Variants in NAV3 observed in about 807,000 individuals in gnomAD.
NAV3 encodes pore membrane and/or filament interacting like protein 1.
A neutral mutation model predicts 244.7 loss-of-function variants in NAV3; 87 were observed. The observed-to-expected ratio is 0.36, with a 90% confidence interval of 0.30 to 0.42. NAV3 has a LOEUF of 0.42. Among genes scored for constraint, NAV3 ranks in the 20% least tolerant of loss-of-function variants. NAV3 has a pLI of 1.00. For synonymous variants in NAV3, 1,126 were observed against 1,042.2 expected (o/e 1.08, Z -1.55); for missense variants, 2,663 against 2,893.3 (o/e 0.92, Z 1.83).
intron 2 of NAV3, among the ~76,000 whole-genome samples, chr12:77,664,385 C>A (rs896738936): frequency 6.6e-6 from 1 of 152,114 alleles, no homozygotes; most frequent in African/African-American, 2.4e-5. Flanking sequence ...GAAGAGTTGG[C>A]TAAATATTCA....
At chr12:78,137,100 G>A in intron 18 of NAV3, 77 bp from the exon 19 acceptor site, 1 of 1,344,872 alleles carries the variant, frequency 7.4e-7, no homozygotes, top group Non-Finnish European at 1.0e-6. Context: ...TTGGGATCAT[G>A]TTCTTACTTT....
At chr12:77,721,816 G>T (rs1262893121) in intron 2 of NAV3, among the ~76,000 whole-genome samples, 1 of 152,026 alleles carries the variant, frequency 6.6e-6, no homozygotes, top group East Asian at 1.9e-4. Flanking sequence ...TACGTAATTT[G>T]TGGGAGGTAA....
At position 77,684,576 on chromosome 12, in the gene NAV3, G is replaced by A. The variant is rs189371820; in HGVS notation, c.72+112310G>A. The stretch of plus-strand genomic sequence containing the variant: ...GGCCTCAAGAGATTCTCATGCCTCA[G>A]CCCCTCAAATTGCTAGGATTACAGG... On this transcript the variant is annotated intron_variant, in intron 2 of 8. Coordinates refer to the NAV3 transcript ENST00000550042. 5.9e-5 allele frequency among the ~76,000 whole-genome samples: 9 copies of A among 152,132 alleles called. No homozygotes were observed. The East Asian group carries it at 1.5e-3, about 26-fold the overall frequency.
chr12:77,615,650 C>T (rs936724490), intron 2 of NAV3, among the ~76,000 whole-genome samples: 1 of 152,086 alleles, frequency 6.6e-6, no homozygotes, highest in Non-Finnish European at 1.5e-5. Context: ...TTCCATTATT[C>T]GCTATTGTGA....
At chr12:78,193,149 AAG>A (rs1306966129) in intron 34 of NAV3, among the ~76,000 whole-genome samples, 1 of 152,208 alleles carries the variant, frequency 6.6e-6, no homozygotes, top group Non-Finnish European at 1.5e-5. Context: ...AGAAAAAAAG[AAG>A]AAACTCAAAC....
intron 13 of NAV3, among the ~76,000 whole-genome samples, chr12:78,117,363 AATAG>A (rs1053157907): frequency 4.2e-4 from 5 of 11,798 alleles, no homozygotes; most frequent in African/African-American, 1.1e-3. Flanking sequence ...TATAACATAT[AATAG>A]ATATATATTT....
At position 77,854,440 on chromosome 12, in the gene NAV3, G is replaced by C. The variant is rs934853351; in HGVS notation, c.243+22736G>C. Among the ~76,000 whole-genome samples, 4 of 152,282 alleles carry C rather than the reference G, an allele frequency of 2.6e-5. No homozygotes were observed. In the East Asian group the frequency reaches 7.7e-4, roughly 29 times the overall value. On this transcript the variant is annotated intron_variant, in intron 1 of 39. Transcript: ENST00000397909. ...CAACTTTTTCAGTTAATTTACGAAT[G>C]TACAAAACTTGCTGATCATTAGAAA... is the stretch of plus-strand genomic sequence containing the variant.
intron 13 of NAV3, 116 bp downstream of exon 13, chr12:78,117,020 G>C (rs894717339): frequency 8.4e-7 from 1 of 1,196,758 alleles, no homozygotes; most frequent in African/African-American, 1.5e-5. Context: ...ACAGAAACTG[G>C]AAAATGCAGA....
intron 2 of NAV3, among the ~76,000 whole-genome samples, chr12:77,679,716 C>A (rs1276427404): frequency 6.6e-6 from 1 of 152,096 alleles, no homozygotes; most frequent in Non-Finnish European, 1.5e-5. Context: ...AAACAGCAGC[C>A]TGAGAGGCGA....
intron 2 of NAV3, among the ~76,000 whole-genome samples, chr12:77,638,979 G>A (rs1363842291): frequency 1.3e-5 from 2 of 152,126 alleles, no homozygotes; most frequent in Non-Finnish European, 2.9e-5. Flanking sequence ...GCATGGTCAA[G>A]GTTCTATTTA....
At chr12:78,144,730 A>T (rs1593775032) in intron 20 of NAV3, among the ~76,000 whole-genome samples, 1 of 151,746 alleles carries the variant, frequency 6.6e-6, no homozygotes, top group Admixed American at 6.6e-5. Flanking sequence ...ATTATTATTT[A>T]AAAATACATG....
intron 2 of NAV3, among the ~76,000 whole-genome samples, chr12:77,660,077 T>G (rs1873360120): frequency 1.3e-5 from 2 of 152,002 alleles, no homozygotes; most frequent in African/African-American, 4.8e-5. Context: ...ACCTGCACAT[T>G]GTGCACATGT....
At chr12:77,755,583 C>CTTTGCTT (rs770337739) in intron 2 of NAV3, among the ~76,000 whole-genome samples, 1 of 25,146 alleles carries the variant, frequency 4.0e-5, no homozygotes, top group South Asian at 1.8e-3. Flanking sequence ...CTTTCCTTTC[C>CTTTGCTT]TCCCTCCCTC....
chr12:77,752,384 A>G (rs1280146663), intron 2 of NAV3, among the ~76,000 whole-genome samples: 3 of 152,188 alleles, frequency 2.0e-5, no homozygotes, highest in Admixed American at 2.0e-4. Flanking sequence ...ACCTGAATGT[A>G]CAAATACCCA....
At chr12:77,956,249 A>G (rs1891347613) in intron 3 of NAV3, among the ~76,000 whole-genome samples, 1 of 152,058 alleles carries the variant, frequency 6.6e-6, no homozygotes, top group Non-Finnish European at 1.5e-5. Context: ...TATTAATTTA[A>G]TTTATGTAAT....
intron 3 of NAV3, among the ~76,000 whole-genome samples, chr12:77,959,743 A>G (rs1434144299): frequency 6.6e-6 from 1 of 151,742 alleles, no homozygotes; most frequent in Admixed American, 6.6e-5. Flanking sequence ...ACATCATTTC[A>G]ATTTTTATGG....
chr12:77,725,241 G>A (rs1274181283), intron 2 of NAV3, among the ~76,000 whole-genome samples: 1 of 151,926 alleles, frequency 6.6e-6, no homozygotes, highest in African/African-American at 2.4e-5. Flanking sequence ...AGGATAAGAA[G>A]AGGATAAAAT....
chr12:77,738,683 A>T (rs573543021), intron 2 of NAV3, among the ~76,000 whole-genome samples: 5 of 152,204 alleles, frequency 3.3e-5, no homozygotes, highest in Non-Finnish European at 7.3e-5. Context: ...TTGGGAAAAA[A>T]TGTAATTAGA....
At chr12:78,000,409 C>G (rs1267185717) in intron 7 of NAV3, among the ~76,000 whole-genome samples, 2 of 151,154 alleles carry the variant, frequency 1.3e-5, no homozygotes, top group African/African-American at 4.9e-5. Context: ...TAACAATGTT[C>G]ATAAATTAAT....
Sources: allele counts gnomAD v4.1 joint callset (sites outside exome capture counted in the v4.1 genomes callset), GRCh38; gene constraint gnomAD v4.1.1; transcripts MANE v1.5; gene names NCBI Gene and HGNC (gene_info 2026-07-23, HGNC 2026-07-21).